TBC1D32: variants seen among roughly 807,000 people sequenced by gnomAD.
TBC1D32 encodes the protein TBC1 domain family member 32, also known as protein broad-minded.
In TBC1D32, 151 loss-of-function variants were observed where a neutral mutation model predicts 170.3. The observed-to-expected ratio is 0.89, with a 90% CI of 0.78 to 1.01. The LOEUF is 1.01. TBC1D32 is among the 50% of genes least tolerant of loss of function. The pLI is 0.00. For synonymous variants in TBC1D32, 498 were observed against 488.0 expected, an observed-to-expected ratio of 1.02 and a Z score of -0.27; for missense variants, 1,464 against 1,457.1, an observed-to-expected ratio of 1.00 and a Z score of -0.08.
At chr6:121,184,833 C>A (rs747704487) in intron 22 of TBC1D32, among the ~76,000 whole-genome samples, 2 of 151,892 alleles carry the variant, frequency 1.3e-5, no homozygotes, top group Non-Finnish European at 2.9e-5. Context: ...CTCCCACCAT[C>A]GTGGCCACTT....
Position 121,304,570 on chromosome 6 carries a change from T to G in TBC1D32, c.825A>C (p.Ser275=). ...LSRENHIPTL[S]AGVDITNPNM... ...TAGGATTAGTTATATCTACACCAGC[T>G]GAAAGAGTAGGAATATGATTTTCCC... The change falls in exon 7 of 32, where the codon TCA becomes TCC. Residue 275 remains serine, a synonymous_variant. Coordinates refer to ENST00000398212, the MANE Select transcript of TBC1D32 (RefSeq NM_152730.6). 1 of 1,612,244 alleles carries G rather than the reference T, an allele frequency of 6.2e-7. No individual in the cohort carries two copies. Among genetic ancestry groups the G allele is most frequent in the Non-Finnish European group, 8.5e-7 (1 of 1,179,014 alleles).
chr6:121,236,671 C>T (rs1205886506), intron 20 of TBC1D32, among the ~76,000 whole-genome samples: 1 of 152,028 alleles, frequency 6.6e-6, no homozygotes, highest in East Asian at 1.9e-4. Flanking sequence ...ACTGACATTT[C>T]TATTGCAAAG....
In TBC1D32 at chr6:121,310,832, G is replaced by C. The variant is rs1223518398; in HGVS notation, c.511C>G (p.Gln171Glu). ...TCTAAAATCAATTGTAATTTTCCTT[G>C]ACAAAATTTGTAACTCTGTAACACA... ...SSLNQSYKFC[Q>E]GKLQLILDQL... is the part of the protein sequence containing the mutation. Residue 171 changes from glutamine (Q) to glutamate (E), a missense_variant, in exon 4 of 32, where the codon CAA becomes GAA. Physicochemically the swap from Gln to Glu is conservative, Grantham distance 29. This residue lies in a region of TBC1D32 where 1,363 missense variants were observed against 1,338.1 expected (regional missense o/e 1.02). Coordinates refer to ENST00000398212, the MANE Select transcript of TBC1D32 (RefSeq NM_152730.6). The C allele has an allele frequency of 6.3e-7, 1 of 1,585,160 alleles. No homozygotes were observed. Among genetic ancestry groups the C allele is most frequent in the South Asian group, 1.1e-5 (1 of 89,000 alleles).
chr6:121,105,900 G>T, intron 30 of TBC1D32, 123 bp downstream of exon 30: 2 of 1,122,124 alleles, frequency 1.8e-6, no homozygotes, highest in Non-Finnish European at 2.4e-6. Context: ...AGAAAAGCTA[G>T]CTTGAGGATT....
intron 22 of TBC1D32, among the ~76,000 whole-genome samples, chr6:121,197,291 T>C (rs1200822129): frequency 6.6e-6 from 1 of 152,114 alleles, no homozygotes. Context: ...GGACTACAAA[T>C]GGTCCAGACC....
chr6:121,283,990 A>G (rs936367061), intron 12 of TBC1D32, 80 bp from the exon 13 acceptor site: 34 of 1,047,436 alleles, frequency 3.2e-5, no homozygotes, highest in Admixed American at 4.2e-5. Flanking sequence ...GCTTTCATCC[A>G]TCTATATAGT....
chr6:121,276,028 G>A (rs1417284497), intron 15 of TBC1D32, among the ~76,000 whole-genome samples: 3 of 149,650 alleles, frequency 2.0e-5, no homozygotes, highest in South Asian at 4.4e-4. Context: ...ACTGAAGCAC[G>A]AGAATCACTT....
intron 22 of TBC1D32, among the ~76,000 whole-genome samples, chr6:121,190,456 C>T (rs1210035171): frequency 1.3e-5 from 2 of 150,614 alleles, no homozygotes; most frequent in African/African-American, 4.9e-5. Flanking sequence ...CTACCTCCAC[C>T]CCACATCTAC....
intron 22 of TBC1D32, 112 bp from the exon 23 acceptor site, chr6:121,161,168 T>C (rs1463503694): frequency 1.3e-6 from 1 of 777,222 alleles, no homozygotes; most frequent in Non-Finnish European, 2.0e-6. Flanking sequence ...ATCAATCTAT[T>C]TCTTTTTCTT....
intron 24 of TBC1D32, among the ~76,000 whole-genome samples, chr6:121,153,501 C>G (rs1582994187): frequency 6.6e-6 from 1 of 152,162 alleles, no homozygotes; most frequent in African/African-American, 2.4e-5. Flanking sequence ...CAGTCTGTCC[C>G]TTACCAGAGG....
chr6:121,193,143 A>G (rs2128289578), intron 22 of TBC1D32, among the ~76,000 whole-genome samples: 1 of 152,346 alleles, frequency 6.6e-6, no homozygotes, highest in South Asian at 2.1e-4. Context: ...GGAGGAACAT[A>G]GAATTGGATC....
At chr6:121,170,239 A>G (rs1465013041) in intron 22 of TBC1D32, among the ~76,000 whole-genome samples, 1 of 151,982 alleles carries the variant, frequency 6.6e-6, no homozygotes, top group Non-Finnish European at 1.5e-5. Flanking sequence ...CTTCTATCAT[A>G]ATCTTTCTGT....
intron 31 of TBC1D32, among the ~76,000 whole-genome samples, chr6:121,081,813 C>G (rs938567972): frequency 1.3e-5 from 2 of 152,014 alleles, no homozygotes; most frequent in African/African-American, 4.8e-5. Context: ...TCACTTATCA[C>G]TTATGGTTAG....
Position 121,281,643 on chromosome 6 carries a change from T to C in TBC1D32, c.1509A>G (p.Ile503Met). 6.2e-7 allele frequency: 1 copy of C among 1,604,348 alleles called. No individual in the cohort carries two copies. The highest frequency in any genetic ancestry group is 1.1e-5 in the South Asian group (1 of 89,702). ...PASMVTEVLWILSDQKECAVE... is the reference protein window; with the variant it reads ...PASMVTEVLWMLSDQKECAVE... The stretch of plus-strand genomic sequence containing the variant: ...CTGCACATTCTTTTTGATCACTGAG[T>C]ATCCACAGAACTTCAGTCACCATAC... The change falls in exon 14 of 32, where the codon ATA becomes ATG. Residue 503 changes from isoleucine to methionine, a missense_variant. Around this residue, in one of 3 missense-constraint regions of TBC1D32, gnomAD observed 1,363 missense variants for 1,338.1 expected, o/e 1.02. Coordinates refer to ENST00000398212, the MANE Select transcript of TBC1D32 (RefSeq NM_152730.6).
chr6:121,207,433 ATG>A (rs59979605), intron 21 of TBC1D32, among the ~76,000 whole-genome samples: 7,317 of 152,212 alleles, frequency 0.048, 517 homozygotes, highest in African/African-American at 0.15. Context: ...CAACAAGCTA[ATG>A]GAAGAGTAGA....
At chr6:121,213,618 T>C (rs2128315901) in intron 21 of TBC1D32, among the ~76,000 whole-genome samples, 1 of 151,414 alleles carries the variant, frequency 6.6e-6, no homozygotes, top group South Asian at 2.1e-4. Context: ...ACAATGAGAA[T>C]TACAAAACAT....
At chr6:121,233,667 T>A (rs1402873546) in intron 20 of TBC1D32, among the ~76,000 whole-genome samples, 3 of 152,108 alleles carry the variant, frequency 2.0e-5, no homozygotes, top group Non-Finnish European at 4.4e-5. Context: ...CGTTCTGCCA[T>A]TCTGTATCTT....
rs181088688 is a variant in TBC1D32, at chr6:121,263,623, C to T, written c.1734-7338G>A. On this transcript the variant is annotated intron_variant, in intron 15 of 31. Transcript: ENST00000398212. Reference sequence around the variant, plus strand: ...AATAGATATCTACAGAACTCTCCACCCGAAAACAACAGAATATACATTCTT... The same window carrying T: ...AATAGATATCTACAGAACTCTCCACTCGAAAACAACAGAATATACATTCTT... Among the ~76,000 whole-genome samples, 62 of 152,248 alleles carry T rather than the reference C, an allele frequency of 4.1e-4. 1 individual carries two copies. Among genetic ancestry groups the T allele is most frequent in the Admixed American group, 2.3e-3 (35 of 15,288 alleles).
chr6:121,157,407 G>C (rs892592937), intron 24 of TBC1D32, among the ~76,000 whole-genome samples: 2 of 152,098 alleles, frequency 1.3e-5, no homozygotes, highest in Non-Finnish European at 2.9e-5. Context: ...TTACATGTGA[G>C]ATGTGTCTCT....
Sources: gnomAD v4.1 joint callset for allele counts (sites outside exome capture counted in the v4.1 genomes callset) on GRCh38, gnomAD v4.1.1 for gene constraint, gnomAD v4.1.1 regional missense constraint, MANE v1.5 for transcripts, NCBI Gene and HGNC (gene_info 2026-07-23, HGNC 2026-07-21) for gene names.